Variants in CPE observed in about 807,000 individuals in gnomAD.
CPE encodes carboxypeptidase E.
A neutral mutation model predicts 53.5 loss-of-function variants in CPE; 17 were observed. The ratio of observed to expected loss-of-function variants is 0.32; its 90% CI spans 0.22 to 0.48. The LOEUF (loss-of-function observed/expected upper bound fraction) is 0.48, where lower values mean the gene tolerates loss of function less well. Among genes scored for constraint, CPE ranks in the 20% least tolerant of loss-of-function variants. The pLI is 0.99. For missense variants in CPE, 524 were observed against 614.7 expected (o/e 0.85, Z 1.56); for synonymous variants, 226 against 228.8 (o/e 0.99, Z 0.11).
At chr4:165,428,822 G>T (rs543695820) in intron 1 of CPE, among the ~76,000 whole-genome samples, 28 of 152,228 alleles carry the variant, frequency 1.8e-4, no homozygotes, top group African/African-American at 6.7e-4. Context: ...ACAAGGATAG[G>T]TGTGATTGCA....
In CPE at chr4:165,482,245, G is replaced by A. The variant is rs770817173; in HGVS notation, c.676G>A (p.Ala226Thr). The change falls in exon 4 of 9, where the codon GCT becomes ACT. Residue 226 changes from alanine to threonine, a missense_variant. By Grantham distance (58) the Ala-to-Thr change is moderately conservative. Coordinates refer to ENST00000402744, the MANE Select transcript of CPE (RefSeq NM_001873.4). The stretch of plus-strand genomic sequence containing the variant: ...TTTTAATCTCTCATCTGAACAGCTT[G>A]CTCCTGAGACCAAGGCTGTCATTCA... ...KKIVDQNTKL[A>T]PETKAVIHWI... is the part of the protein sequence containing the mutation. The A allele has an allele frequency of 6.2e-7, 1 of 1,602,678 alleles. No individual in the cohort carries two copies. The highest frequency in any genetic ancestry group is 8.5e-7 in the Non-Finnish European group (1 of 1,170,334).
intron 5 of CPE, among the ~76,000 whole-genome samples, chr4:165,485,389 G>A (rs1370441490): frequency 1.3e-5 from 2 of 152,032 alleles, no homozygotes; most frequent in Non-Finnish European, 2.9e-5. Flanking sequence ...CTAATTGAAG[G>A]GTATTGGTAT....
chr4:165,484,433 G>A lies in CPE; in HGVS notation c.802G>A (p.Glu268Lys), dbSNP rs753892074. 1.2e-5 allele frequency: 19 copies of A among 1,613,628 alleles called. No homozygotes were observed. The highest frequency in any genetic ancestry group is 4.4e-5 in the South Asian group (4 of 91,022). Reference sequence around the variant, plus strand: ...GATTTGTTTTCTAGGTAGTGCTCACGAATACAGCTCCTCCCCAGATGACGC... The same window carrying A: ...GATTTGTTTTCTAGGTAGTGCTCACAAATACAGCTCCTCCCCAGATGACGC... ...YDETRSGSAH[E>K]YSSSPDDAIF... Residue 268 changes from glutamate to lysine, a missense_variant, in exon 5 of 9, where the codon GAA (glutamate) becomes AAA (lysine). Physicochemically the swap from Glu to Lys is moderately conservative, Grantham distance 56 (BLOSUM62 1). Coordinates refer to ENST00000402744, the MANE Select transcript of CPE (RefSeq NM_001873.4).
chr4:165,488,140 T>A (rs2126714797), intron 6 of CPE, among the ~76,000 whole-genome samples: 1 of 152,076 alleles, frequency 6.6e-6, no homozygotes, highest in South Asian at 2.1e-4. Context: ...ATGTAATAGT[T>A]AGTTCATTTA....
chr4:165,468,316 G>C (rs1481238277), intron 3 of CPE, among the ~76,000 whole-genome samples: 1 of 151,932 alleles, frequency 6.6e-6, no homozygotes, highest in South Asian at 2.1e-4. Context: ...GCCATTTTCA[G>C]GGTCTCATCT....
At chr4:165,484,897 C>T (rs543340034) in intron 5 of CPE, among the ~76,000 whole-genome samples, 1 of 152,088 alleles carries the variant, frequency 6.6e-6, no homozygotes. Flanking sequence ...ACCCTACTTT[C>T]CAAATTCAAG....
chr4:165,404,296 C>T (rs997227236), intron 1 of CPE: 10 of 770,678 alleles, frequency 1.3e-5, no homozygotes, highest in Non-Finnish European at 2.2e-5. Flanking sequence ...CTTGCGGGCA[C>T]GTGACTGCCT....
In CPE at chr4:165,379,058, C is replaced by T. The variant is rs1730456494; in HGVS notation, c.-164C>T. ...CTTTGCCCGTCTCCTCTGGGTGGCC[C>T]CAGTGCGCGGGCTGACACTCATTCA... On this transcript the variant is annotated 5_prime_UTR_variant, in exon 1 of 9. Transcript: ENST00000402744. This position sits in a 1 kb window ranked among gnomAD's most constrained non-coding sequence, Gnocchi z 6.0. 7.0e-6 allele frequency: 4 copies of T among 568,728 alleles called. No homozygotes were observed. Among genetic ancestry groups the T allele is most frequent in the East Asian group, 4.1e-5 (1 of 24,228 alleles). 35.2% of individuals were successfully genotyped at this position (568,728 alleles called of 1,614,324 possible). A position where few individuals can be genotyped will look rare whatever the true frequency, so the allele number is the denominator to read the frequency against.
intron 1 of CPE, among the ~76,000 whole-genome samples, chr4:165,383,192 G>A (rs1730531783): frequency 6.6e-6 from 1 of 152,132 alleles, no homozygotes; most frequent in African/African-American, 2.4e-5. Context: ...ACTAGGCTAG[G>A]GGCTGATTCT....
chr4:165,415,595 A>G (rs1731107099), intron 1 of CPE, among the ~76,000 whole-genome samples: 1 of 152,050 alleles, frequency 6.6e-6, no homozygotes, highest in African/African-American at 2.4e-5. Flanking sequence ...TCACCTATTC[A>G]CCTAATTATT....
At chr4:165,443,179 T>G (rs1731643851) in intron 1 of CPE, among the ~76,000 whole-genome samples, 2 of 152,112 alleles carry the variant, frequency 1.3e-5, no homozygotes, top group South Asian at 4.2e-4. Flanking sequence ...CATTGGAGAT[T>G]TCTCCTTTGT....
chr4:165,444,507 A>T (rs1579264431), intron 1 of CPE, among the ~76,000 whole-genome samples: 1 of 152,042 alleles, frequency 6.6e-6, no homozygotes, highest in East Asian at 1.9e-4. Flanking sequence ...ACTGAAAAAA[A>T]AAAATTAAAA....
At chr4:165,402,934 GA>G (rs1388106505) in intron 1 of CPE, among the ~76,000 whole-genome samples, 1 of 152,174 alleles carries the variant, frequency 6.6e-6, no homozygotes, top group Admixed American at 6.5e-5. Context: ...ATATTTTTAA[GA>G]TATTTTTTCT....
intron 1 of CPE, among the ~76,000 whole-genome samples, chr4:165,422,845 C>T (rs1353252802): frequency 6.6e-6 from 1 of 151,690 alleles, no homozygotes; most frequent in Non-Finnish European, 1.5e-5. Context: ...GGTGTGGTGG[C>T]GGGCACCTGT....
At chr4:165,448,499 C>T (rs1257440600) in intron 1 of CPE, among the ~76,000 whole-genome samples, 1 of 152,132 alleles carries the variant, frequency 6.6e-6, no homozygotes, top group Non-Finnish European at 1.5e-5. Context: ...ATGGCTGCAT[C>T]ATCTTCTGTG....
rs143045480 is a variant in CPE, at chr4:165,474,180, T to G, written c.672+6325T>G. Among the ~76,000 whole-genome samples, 381 of 152,356 alleles carry G rather than the reference T, an allele frequency of 2.5e-3. 2 individuals carry two copies. Among genetic ancestry groups the G allele is most frequent in the African/African-American group, 8.7e-3 (360 of 41,594 alleles). On this transcript the variant is annotated intron_variant, in intron 3 of 8. Transcript: ENST00000402744. ...ATTCCTCTTGTTTCTGCATTTTTCC[T>G]TCTCCTTATCTCTATCCTCCTTATT...
intron 1 of CPE, among the ~76,000 whole-genome samples, chr4:165,416,371 G>A (rs779129185): frequency 3.9e-5 from 6 of 152,122 alleles, no homozygotes; most frequent in Admixed American, 6.6e-5. Context: ...TGGGGGCACT[G>A]CTCCCCTTAA....
At chr4:165,470,065 T>G (rs1732174850) in intron 3 of CPE, among the ~76,000 whole-genome samples, 1 of 152,160 alleles carries the variant, frequency 6.6e-6, no homozygotes, top group Non-Finnish European at 1.5e-5. Context: ...CAACCTCAAT[T>G]CTTGCCTCCT....
rs756032926 is a variant in CPE at position 165,497,608 on chromosome 4, T to A, written c.1429T>A (p.Ter477LysextTer4). 1 of 1,550,478 alleles carries A rather than the reference T, an allele frequency of 6.4e-7. No homozygotes were observed. Among genetic ancestry groups the A allele is most frequent in the Admixed American group, 2.0e-5 (1 of 51,220 alleles). The change falls in exon 9 of 9, where the codon TAA (stop) becomes AAA (lysine). Residue 477 changes from the stop codon to lysine, a stop_lost. Coordinates refer to ENST00000402744, the MANE Select transcript of CPE (RefSeq NM_001873.4). ...WKMMSETLNF[*>K] ...AATGATGTCAGAAACTTTAAATTTT[T>A]AAAAAGGCTTCTAGTTAGCTGCTTT...
Sources: allele counts gnomAD v4.1 joint callset (sites outside exome capture counted in the v4.1 genomes callset), GRCh38; gene constraint gnomAD v4.1.1; non-coding constraint Gnocchi (gnomAD v3.1); transcripts MANE v1.5; gene names NCBI Gene and HGNC (gene_info 2026-07-23, HGNC 2026-07-21).